The following SLC25A48 variants were observed in gnomAD, a reference collection of about 807,000 sequenced individuals.
SLC25A48 encodes the protein solute carrier family 25 member 48, also known as CTC-321K16.1.
Under a neutral mutation model 32.2 loss-of-function variants are expected in SLC25A48, and 29 were observed. The observed-to-expected ratio is 0.90, with a 90% CI of 0.67 to 1.23. SLC25A48 has a LOEUF of 1.23. Ranked by LOEUF, SLC25A48 falls within the 50% of genes most tolerant of loss-of-function variation. The probability of loss-of-function intolerance (pLI) is 0.00; values close to 1 mark genes in which losing one functional copy is unlikely to be tolerated. For synonymous variants in SLC25A48, 164 were observed against 172.3 expected (o/e 0.95, Z 0.38); for missense variants, 399 against 422.7 (o/e 0.94, Z 0.49).
chr5:135,686,940 AG>A (rs1002553368), intron 3 of SLC25A48, among the ~76,000 whole-genome samples: 1 of 151,974 alleles, frequency 6.6e-6, no homozygotes, highest in African/African-American at 2.4e-5. Context: ...AGAAAGGGAA[AG>A]GGTTGTTTTT....
chr5:135,614,841 C>A (rs948500495), intron 1 of SLC25A48, among the ~76,000 whole-genome samples: 6 of 152,150 alleles, frequency 3.9e-5, no homozygotes, highest in Non-Finnish European at 8.8e-5. Context: ...ATGATTGGAA[C>A]ATGGGACCAG....
intron 3 of SLC25A48, among the ~76,000 whole-genome samples, chr5:135,792,098 C>T (rs554959066): frequency 3.0e-4 from 46 of 151,784 alleles, no homozygotes; most frequent in South Asian, 1.2e-3. Flanking sequence ...AGTGGGTGTA[C>T]GCCAAGTGTG....
upstream of SLC25A48, among the ~76,000 whole-genome samples, chr5:135,830,267 C>T (rs1758169182): frequency 6.6e-6 from 1 of 152,214 alleles, no homozygotes; most frequent in Non-Finnish European, 1.5e-5. Context: ...TCAAGCGCTG[C>T]GCAGCAGCGC....
In SLC25A48 at chr5:135,883,598, G is replaced by A. The variant is rs189675272; in HGVS notation, c.*7+3501G>A. 4.7e-3 allele frequency: 2,627 copies of A among 554,766 alleles called. 10 individuals are homozygous for A. The highest frequency in any genetic ancestry group is 4.8e-3 in the Non-Finnish European group (2,115 of 436,880). 34.4% of individuals were successfully genotyped at this position (554,766 alleles called of 1,614,324 possible). A position where few individuals can be genotyped will look rare whatever the true frequency, so the allele number is the denominator to read the frequency against. Reference sequence around the variant, plus strand: ...CACAGGTGAGGAGAGAAACTGAGCCGGGGCAGCCTGGCTTCTTTTTTCCCA... The same window carrying A: ...CACAGGTGAGGAGAGAAACTGAGCCAGGGCAGCCTGGCTTCTTTTTTCCCA... On this transcript the variant is annotated intron_variant, in intron 7 of 7. Transcript: ENST00000681962.
chr5:135,882,201 G>T (rs1762525646), intron 7 of SLC25A48, among the ~76,000 whole-genome samples: 1 of 152,246 alleles, frequency 6.6e-6, no homozygotes, highest in Admixed American at 6.5e-5. Context: ...ATTGCCTCCT[G>T]GTGGGAGAGG....
At position 135,871,531 on chromosome 5, in the gene SLC25A48, C is replaced by T. The variant is rs2126804684; in HGVS notation, c.492C>T (p.Cys164=). ...CAGCATACCAGGGGCCAGTGCACTG[C>T]ATTACAACCATTGTGAGGAATGAGG... ...EQPAYQGPVH[C]ITTIVRNEGL... is the part of the protein sequence containing the mutation. The change falls in exon 5 of 8, where the codon TGC becomes TGT. Residue 164 remains cysteine, a synonymous_variant. Transcript: ENST00000681962. The T allele has an allele frequency of 6.2e-7, 1 of 1,613,802 alleles. No individual in the cohort carries two copies. Among genetic ancestry groups the T allele is most frequent in the South Asian group, 1.1e-5 (1 of 91,052 alleles).
chr5:135,590,894 G>A (rs1173505558), intron 1 of SLC25A48, among the ~76,000 whole-genome samples: 1 of 152,238 alleles, frequency 6.6e-6, no homozygotes, highest in Non-Finnish European at 1.5e-5. Context: ...CCCAATGTTC[G>A]GCACATGCCC....
chr5:135,583,181 C>CGTGT lies in SLC25A48; in HGVS notation c.-849+3599_-849+3602dup, dbSNP rs369714430. On this transcript the variant is annotated intron_variant, in intron 1 of 10. Coordinates refer to the SLC25A48 transcript ENST00000646290. ...GGTTGCATGTGAGAAAGTGTGTGTG[C>CGTGT]GTGTGTGTGTGTGTGTGTTTGCGTG... Among the ~76,000 whole-genome samples the CGTGT allele has an allele frequency of 4.7e-5, 7 of 149,996 alleles. No individual in the cohort carries two copies. The East Asian group carries it at 9.8e-4, about 21-fold the overall frequency.
chr5:135,648,747 A>C (rs1753031225), intron 3 of SLC25A48: 1 of 152,246 alleles, frequency 6.6e-6, no homozygotes. Context: ...GTAAATGATT[A>C]AGATGCATTT....
chr5:135,654,801 A>G (rs1421642855), intron 3 of SLC25A48, among the ~76,000 whole-genome samples: 2 of 152,140 alleles, frequency 1.3e-5, no homozygotes, highest in African/African-American at 4.8e-5. Flanking sequence ...AGAGAAGAAG[A>G]AAGTCTGCCT....
intron 3 of SLC25A48, among the ~76,000 whole-genome samples, chr5:135,702,531 G>A (rs1754417506): frequency 6.6e-6 from 1 of 152,222 alleles, no homozygotes; most frequent in African/African-American, 2.4e-5. Context: ...TGGATTCCTG[G>A]CCTCCAAACT....
intron 3 of SLC25A48, among the ~76,000 whole-genome samples, chr5:135,677,489 GGTT>G: frequency 6.6e-6 from 1 of 152,054 alleles, no homozygotes; most frequent in South Asian, 2.1e-4. Context: ...ATTGTTGTCT[GGTT>G]GTTTTGTGTA....
intron 3 of SLC25A48, among the ~76,000 whole-genome samples, chr5:135,792,918 T>C (rs934228452): frequency 6.6e-6 from 1 of 151,492 alleles, no homozygotes; most frequent in Admixed American, 6.6e-5. Context: ...ATATGGTTCG[T>C]AATATCCTGG....
intron 1 of SLC25A48, among the ~76,000 whole-genome samples, chr5:135,835,678 TAAAAAAAAAAA>T (rs35114794): frequency 3.6e-3 from 254 of 70,388 alleles, no homozygotes; most frequent in African/African-American, 0.014. Context: ...TTGCTAATTG[TAAAAAAAAAAA>T]AAAAAAAAAA....
chr5:135,724,383 A>G (rs1056434102), intron 3 of SLC25A48, among the ~76,000 whole-genome samples: 4 of 148,490 alleles, frequency 2.7e-5, no homozygotes, highest in African/African-American at 7.4e-5. Context: ...ACCTCCTTGG[A>G]GCCCCCTCAG....
At chr5:135,612,188 C>G (rs958007473) in intron 1 of SLC25A48, among the ~76,000 whole-genome samples, 2 of 152,142 alleles carry the variant, frequency 1.3e-5, no homozygotes, top group African/African-American at 4.8e-5. Flanking sequence ...TGCTGAAAGT[C>G]ATTAAAGATT....
rs564339436 is a variant in SLC25A48 at position 135,596,444 on chromosome 5, A to C, written c.-849+16847A>C. On this transcript the variant is annotated intron_variant, in intron 1 of 10. Transcript: ENST00000646290. ...GGAAAAGGATTAGCAAGGACTTAAC[A>C]GCAACACCATGTCCCCATACCTGTC... Among the ~76,000 whole-genome samples, 18 of 152,334 alleles carry C rather than the reference A, an allele frequency of 1.2e-4. No individual in the cohort carries two copies. The South Asian group carries it at 1.9e-3, about 16-fold the overall frequency.
intron 3 of SLC25A48, among the ~76,000 whole-genome samples, chr5:135,774,269 C>G (rs551873552): frequency 2.6e-5 from 4 of 151,478 alleles, no homozygotes; most frequent in African/African-American, 4.9e-5. Context: ...GTCCTAATAA[C>G]GCCAGAGGTG....
rs115219289 is a variant in SLC25A48 at position 135,766,691 on chromosome 5, G to A, written c.-520-45832G>A. ...CCCCATATCACGAGTGATGTGATAT[G>A]GTTTGTAATATCCTGGGGGAGAGTG... On this transcript the variant is annotated intron_variant, in intron 3 of 10. Transcript: ENST00000646290. Among the ~76,000 whole-genome samples the A allele has an allele frequency of 2.4e-3, 356 of 151,224 alleles. 1 individual carries two copies. The highest frequency in any genetic ancestry group is 3.9e-3 in the Non-Finnish European group (261 of 67,744).
Sources: allele counts gnomAD v4.1 joint callset (sites outside exome capture counted in the v4.1 genomes callset), GRCh38; gene constraint gnomAD v4.1.1; transcripts MANE v1.5; gene names NCBI Gene and HGNC (gene_info 2026-07-23, HGNC 2026-07-21).